The following ANKS1B variants were observed in gnomAD, a reference collection of about 807,000 sequenced individuals.
ANKS1B encodes the protein ankyrin repeat and sterile alpha motif domain containing 1B.
ANKS1B carries 36 observed loss-of-function variants against 148.3 expected under a neutral mutation model. That is an observed-to-expected ratio of 0.24 (90% CI 0.19 to 0.32). ANKS1B has a LOEUF of 0.32. Ranked by LOEUF, ANKS1B falls within the 10% of genes least tolerant of loss-of-function variation. The probability of loss-of-function intolerance (pLI) is 1.00; values close to 1 mark genes in which losing one functional copy is unlikely to be tolerated. For missense variants in ANKS1B, 1,157 were observed against 1,542.6 expected (o/e 0.75, Z 4.19); for synonymous variants, 542 against 560.8 (o/e 0.97, Z 0.47).
At chr12:99,040,279 T>C (rs1161405602) in intron 17 of ANKS1B, among the ~76,000 whole-genome samples, 1 of 151,682 alleles carries the variant, frequency 6.6e-6, no homozygotes, top group Non-Finnish European at 1.5e-5. Context: ...CGTGTGCGTG[T>C]GTGTGTGTGT....
intron 15 of ANKS1B, among the ~76,000 whole-genome samples, chr12:99,149,944 G>A (rs1042310967): frequency 6.6e-6 from 1 of 152,258 alleles, no homozygotes. Flanking sequence ...ATGAAGAAAC[G>A]TGTGTATGTG....
chr12:98,832,185 T>A, intron 17 of ANKS1B, 49 bp from the exon 18 acceptor site: 1 of 1,381,950 alleles, frequency 7.2e-7, no homozygotes, highest in Non-Finnish European at 9.9e-7. Flanking sequence ...GAACAAATAA[T>A]TTTTATATGT....
chr12:98,936,960 C>T (rs950903373), intron 17 of ANKS1B, among the ~76,000 whole-genome samples: 6 of 152,198 alleles, frequency 3.9e-5, no homozygotes, highest in African/African-American at 1.4e-4. Flanking sequence ...AGTCCTTCCC[C>T]TGCTTTAAGT....
chr12:99,059,806 T>TATATA (rs10526013), intron 16 of ANKS1B, among the ~76,000 whole-genome samples: 9 of 144,676 alleles, frequency 6.2e-5, no homozygotes, highest in East Asian at 4.2e-4. Context: ...TATATATATA[T>TATATA]GATAGGACGT....
At chr12:99,159,265 G>A (rs944238983) in intron 14 of ANKS1B, among the ~76,000 whole-genome samples, 2 of 152,102 alleles carry the variant, frequency 1.3e-5, no homozygotes, top group Non-Finnish European at 2.9e-5. Flanking sequence ...TATATGTTCA[G>A]GTTTGCCACG....
At chr12:99,179,235 T>G (rs1227455822) in intron 14 of ANKS1B, among the ~76,000 whole-genome samples, 1 of 151,806 alleles carries the variant, frequency 6.6e-6, no homozygotes, top group East Asian at 1.9e-4. Flanking sequence ...GAGGCCATCC[T>G]GGCTAACACG....
At chr12:99,831,718 G>A (rs1462995987) in intron 1 of ANKS1B, among the ~76,000 whole-genome samples, 1 of 143,722 alleles carries the variant, frequency 7.0e-6, no homozygotes, top group African/African-American at 2.5e-5. Context: ...ACTGATCAGG[G>A]TTTTTTTTTT....
rs373155637 is a variant in ANKS1B at position 99,240,695 on chromosome 12, G to A, written c.2419+3647C>T. On this transcript the variant is annotated intron_variant, in intron 14 of 26. Transcript: ENST00000683438. ...AAAAGAGCAGAAATCATAACAAACC[G>A]TCTCTAAAACCACAGTGCAATCAAA... Among the ~76,000 whole-genome samples, 276 of 152,194 alleles carry A rather than the reference G, an allele frequency of 1.8e-3. 1 individual carries two copies. Among genetic ancestry groups the A allele is most frequent in the South Asian group, 9.4e-3 (45 of 4,810 alleles).
At chr12:99,972,161 A>T (rs895284776) in intron 1 of ANKS1B, among the ~76,000 whole-genome samples, 6 of 152,188 alleles carry the variant, frequency 3.9e-5, no homozygotes, top group Admixed American at 3.9e-4. Flanking sequence ...CGGATACAAC[A>T]ATATTAAAAT....
intron 17 of ANKS1B, among the ~76,000 whole-genome samples, chr12:99,051,666 C>T (rs2099966180): frequency 6.6e-6 from 1 of 152,168 alleles, no homozygotes; most frequent in African/African-American, 2.4e-5. Context: ...TTATGTTAGA[C>T]AATGAGTCTC....
At chr12:99,829,808 C>T (rs1050077345) in intron 1 of ANKS1B, among the ~76,000 whole-genome samples, 2 of 151,882 alleles carry the variant, frequency 1.3e-5, no homozygotes, top group East Asian at 1.9e-4. Context: ...CCAGCCTGGG[C>T]GACAGAGTGA....
At chr12:99,808,721 C>T (rs2067954401) in intron 3 of ANKS1B, among the ~76,000 whole-genome samples, 1 of 152,072 alleles carries the variant, frequency 6.6e-6, no homozygotes, top group Admixed American at 6.6e-5. Context: ...ACCCAAATTT[C>T]CCCCTGGTCT....
chr12:99,171,735 A>G (rs1191488077), intron 14 of ANKS1B, among the ~76,000 whole-genome samples: 2 of 152,156 alleles, frequency 1.3e-5, no homozygotes, highest in Non-Finnish European at 2.9e-5. Context: ...ACCTGATTGG[A>G]AAAAAATAGT....
intron 8 of ANKS1B, among the ~76,000 whole-genome samples, chr12:99,756,710 T>C (rs1374642057): frequency 6.6e-6 from 1 of 152,098 alleles, no homozygotes; most frequent in East Asian, 1.9e-4. Context: ...AACAGCATAG[T>C]ACTGGTACAG....
chr12:99,226,677 G>A (rs1367578372), intron 14 of ANKS1B, among the ~76,000 whole-genome samples: 1 of 152,176 alleles, frequency 6.6e-6, no homozygotes, highest in African/African-American at 2.4e-5. Flanking sequence ...CCGTGGAAAT[G>A]TCCTTTGTGG....
intron 1 of ANKS1B, among the ~76,000 whole-genome samples, chr12:99,827,250 T>G (rs2083315394): frequency 6.6e-6 from 1 of 152,206 alleles, no homozygotes; most frequent in Middle Eastern, 3.4e-3. Flanking sequence ...ACATTTTCTA[T>G]GACATGAATG....
intron 25 of ANKS1B, among the ~76,000 whole-genome samples, chr12:98,769,165 CTTTTTTTTTTTTT>C (rs1182264550): frequency 1.0e-3 from 43 of 41,220 alleles, no homozygotes; most frequent in East Asian, 3.8e-3. Flanking sequence ...GTCTTCTTTA[CTTTTTTTTTTTTT>C]TTTTTTTTTT....
chr12:99,954,903 G>C (rs2095292077), intron 1 of ANKS1B, among the ~76,000 whole-genome samples: 1 of 152,126 alleles, frequency 6.6e-6, no homozygotes, highest in East Asian at 1.9e-4. Flanking sequence ...CTATAAATAG[G>C]TCAACAACGA....
intron 12 of ANKS1B, among the ~76,000 whole-genome samples, chr12:99,329,996 C>T (rs148862509): frequency 6.7e-4 from 102 of 151,960 alleles, no homozygotes; most frequent in African/African-American, 2.3e-3. Flanking sequence ...CTCCCTTAAA[C>T]TGATATTTTC....
Sources: allele counts gnomAD v4.1 joint callset (sites outside exome capture counted in the v4.1 genomes callset), GRCh38; gene constraint gnomAD v4.1.1; transcripts MANE v1.5; gene names NCBI Gene and HGNC (gene_info 2026-07-23, HGNC 2026-07-21).